Variants in EP400 observed in about 807,000 individuals in gnomAD.
EP400 encodes E1A binding protein p400, also known as E1A-binding protein p400.
EP400 carries 105 observed loss-of-function variants against 354.1 expected under a neutral mutation model. The ratio of observed to expected loss-of-function variants is 0.30; its 90% CI spans 0.25 to 0.35. EP400 has a LOEUF of 0.35. EP400 is among the 10% of genes least tolerant of loss of function. The pLI is 1.00. For missense variants in EP400, 3,280 were observed against 4,121.0 expected (o/e 0.80, Z 5.59); for synonymous variants, 1,646 against 1,716.9 (o/e 0.96, Z 1.02).
Position 131,967,485 on chromosome 12 carries a change from C to T in EP400, c.1335+5531C>T, listed in dbSNP as rs562590545. ...GGCAGATCAGTTGAGGCCAGGAGTTCGAGACCAGCCTGACCAACATAGTGA... is the reference window on the plus strand; with the variant it reads ...GGCAGATCAGTTGAGGCCAGGAGTTTGAGACCAGCCTGACCAACATAGTGA... On this transcript the variant is annotated intron_variant, in intron 2 of 52. Transcript: ENST00000389561. Among the ~76,000 whole-genome samples, 13 of 151,792 alleles carry T rather than the reference C, an allele frequency of 8.6e-5. No individual in the cohort carries two copies. The South Asian group carries it at 1.5e-3, about 17-fold the overall frequency.
At chr12:131,999,653 G>A (rs1893341247) in intron 12 of EP400, among the ~76,000 whole-genome samples, 1 of 152,038 alleles carries the variant, frequency 6.6e-6, no homozygotes, top group African/African-American at 2.4e-5. Context: ...TGCCCAGGCT[G>A]GTCTCCAACT....
intron 19 of EP400, among the ~76,000 whole-genome samples, chr12:132,015,556 A>G (rs1281865411): frequency 6.6e-6 from 1 of 152,170 alleles, no homozygotes; most frequent in Non-Finnish European, 1.5e-5. Context: ...TGCCCACACA[A>G]TATGGTGGTT....
chr12:132,055,584 G>T (rs1895468562), intron 45 of EP400, among the ~76,000 whole-genome samples: 1 of 134,868 alleles, frequency 7.4e-6, no homozygotes, highest in Non-Finnish European at 1.6e-5. Context: ...GAGGTGTAGG[G>T]GTATGTGTGG....
At chr12:131,995,494 C>T (rs983044294) in intron 12 of EP400, among the ~76,000 whole-genome samples, 1 of 146,906 alleles carries the variant, frequency 6.8e-6, no homozygotes, top group Non-Finnish European at 1.5e-5. Context: ...GTGAATGAAT[C>T]CCACCACAGC....
Position 131,961,017 on chromosome 12 carries a change from C to A in EP400, c.398C>A (p.Thr133Asn). The A allele has an allele frequency of 6.3e-7, 1 of 1,599,860 alleles. No individual in the cohort carries two copies. The highest frequency in any genetic ancestry group is 8.5e-7 in the Non-Finnish European group (1 of 1,173,524). Residue 133 changes from threonine to asparagine, a missense_variant, in exon 2 of 53, where the codon ACC (threonine) becomes AAC (asparagine). Coordinates refer to ENST00000389561, the MANE Select transcript of EP400 (RefSeq NM_015409.5). Reference protein sequence around the residue: ...VTSPLSQQVQTQSPTQPSPGP... With the variant: ...VTSPLSQQVQNQSPTQPSPGP... ...TCCCCCTTGTCCCAGCAGGTCCAGA[C>A]CCAGAGTCCCACGCAGCCCAGTCCG... is the stretch of plus-strand genomic sequence containing the variant.
At position 132,050,769 on chromosome 12, in the gene EP400, C is replaced by T; in HGVS notation, c.7394+114C>T. 1 of 1,324,374 alleles carries T rather than the reference C, an allele frequency of 7.6e-7. No individual in the cohort carries two copies. The highest frequency in any genetic ancestry group is 1.1e-6 in the Non-Finnish European group (1 of 926,970). The allele number at this position is 1,324,374 out of a possible 1,614,324, so 82.0% of individuals were successfully genotyped here. ...TGCACTTAGCGTGTTCAGGCATCAG[C>T]TGGACGTGGCAGTGCGCAGAACCTG... On this transcript the variant is annotated intron_variant, in intron 41 of 52. Transcript: ENST00000389561. This position sits in a 1 kb window ranked among gnomAD's most constrained non-coding sequence, Gnocchi z 4.8.
intron 1 of EP400, among the ~76,000 whole-genome samples, chr12:131,951,119 T>C (rs1891471008): frequency 1.3e-5 from 2 of 148,858 alleles, no homozygotes; most frequent in Admixed American, 1.3e-4. Flanking sequence ...GGTTTCATCA[T>C]GTTGGTCCGG....
Position 132,062,544 on chromosome 12 carries a change from A to AGC in EP400, c.8177_8178insGC (p.Gln2727HisfsTer51), listed in dbSNP as rs60930033. 2.7e-4 allele frequency: 436 copies of AGC among 1,593,228 alleles called. 2 individuals are homozygous for AGC. Among genetic ancestry groups the AGC allele is most frequent in the South Asian group, 1.8e-3 (158 of 89,602 alleles). ...CTCAGGCAGCAGCAGCAGCAGCAGCAACAACAGCAGCAGCAGCAGCAGCAG... is the reference window on the plus strand; with the variant it reads ...CTCAGGCAGCAGCAGCAGCAGCAGCAGCACAACAGCAGCAGCAGCAGCAGCAG... On this transcript the variant is annotated frameshift_variant, in exon 47 of 53. Transcript: ENST00000389561. LOFTEE classifies it high-confidence loss of function.
chr12:131,998,238 G>A (rs770178316), intron 12 of EP400, among the ~76,000 whole-genome samples: 1 of 152,118 alleles, frequency 6.6e-6, no homozygotes, highest in Admixed American at 6.5e-5. Flanking sequence ...GCCTTGCTCT[G>A]TGTTAGGAGG....
At chr12:132,006,950 A>T (rs1046899220) in intron 15 of EP400, 73 bp downstream of exon 15, 99 of 1,545,782 alleles carry the variant, frequency 6.4e-5, no homozygotes, top group Middle Eastern at 5.5e-4. Context: ...GTTTGATGGG[A>T]GTGTGGGGAC....
chr12:132,035,709 C>G (rs1894673230), intron 30 of EP400, among the ~76,000 whole-genome samples: 1 of 149,926 alleles, frequency 6.7e-6, no homozygotes, highest in East Asian at 2.0e-4. Context: ...CACCCAGGTT[C>G]ACATGGAACG....
At chr12:132,010,384 C>A (rs990677243) in intron 15 of EP400, among the ~76,000 whole-genome samples, 2 of 152,046 alleles carry the variant, frequency 1.3e-5, no homozygotes, top group Non-Finnish European at 2.9e-5. Flanking sequence ...TGCATGCAGC[C>A]GGTTGTGTCT....
intron 32 of EP400, among the ~76,000 whole-genome samples, chr12:132,041,215 C>T (rs1163917803): frequency 1.3e-5 from 2 of 152,374 alleles, no homozygotes; most frequent in Admixed American, 6.5e-5. Flanking sequence ...TCATTGGCAA[C>T]GCTCATCAGA....
At chr12:132,011,679 G>C in intron 16 of EP400, 45 bp downstream of exon 16, 1 of 1,559,152 alleles carries the variant, frequency 6.4e-7, no homozygotes, top group South Asian at 1.2e-5. Context: ...AGAAAGCCAT[G>C]TTAATTTTTA....
rs1263658442 is a variant in EP400 at position 132,036,335 on chromosome 12, TG to T, written c.5952-1345del. On this transcript the variant is annotated intron_variant, in intron 30 of 52. Coordinates refer to ENST00000389561, the MANE Select transcript of EP400 (RefSeq NM_015409.5). ...ACACCCAGGTTCATACGGAACATCG[TG>T]GAAGGGCACACACAGGTTCACATGG... Among the ~76,000 whole-genome samples, 3 of 150,390 alleles carry T rather than the reference TG, an allele frequency of 2.0e-5. No homozygotes were observed. In the South Asian group the frequency reaches 6.3e-4, roughly 32 times the overall value.
At position 132,062,417 on chromosome 12, in the gene EP400, A is replaced by T. The variant is rs767681626; in HGVS notation, c.8099-49A>T. 9.9e-6 allele frequency: 16 copies of T among 1,610,482 alleles called. No homozygotes were observed. In the South Asian group the frequency reaches 1.4e-4, roughly 14 times the overall value. ...TTGCTGTCTGAGAATGAGGATCTGA[A>T]GGTGGGCGAGTATCCCTGTCCAGAC... is the stretch of plus-strand genomic sequence containing the variant. On this transcript the variant is annotated intron_variant, in intron 46 of 52. Coordinates refer to ENST00000389561, the MANE Select transcript of EP400 (RefSeq NM_015409.5).
intron 29 of EP400, among the ~76,000 whole-genome samples, chr12:132,030,806 TGTCCATGGGCCCC>T (rs1894463820): frequency 6.6e-6 from 1 of 152,236 alleles, no homozygotes; most frequent in Admixed American, 6.5e-5. Context: ...CATAAGGGGT[TGTCCATGGGCCCC>T]GTGCCCTGGC....
At position 132,029,789 on chromosome 12, in the gene EP400, A is replaced by T. The variant is rs939046559; in HGVS notation, c.5470A>T (p.Ile1824Phe). 3 of 1,613,564 alleles carry T rather than the reference A, an allele frequency of 1.9e-6. No homozygotes were observed. In the Admixed American group the frequency reaches 5.0e-5, roughly 27 times the overall value. Residue 1824 changes from isoleucine to phenylalanine, a missense_variant, in exon 28 of 53, where the codon ATC becomes TTC. This residue lies in a region of EP400 where 459 missense variants were observed against 496.9 expected (regional missense o/e 0.92). Coordinates refer to ENST00000389561, the MANE Select transcript of EP400 (RefSeq NM_015409.5). This position sits in a 1 kb window ranked among gnomAD's most constrained non-coding sequence, Gnocchi z 4.7. Reference sequence around the variant, plus strand: ...ACCCCTGTACAGCCACAGAATGAGGATCTTGAGGCAGGGCCTGAGAGAGCA... The same window carrying T: ...ACCCCTGTACAGCCACAGAATGAGGTTCTTGAGGCAGGGCCTGAGAGAGCA... ...PPPLYSHRMR[I>F]LRQGLREHAA...
chr12:131,965,414 C>A (rs983451818), intron 2 of EP400, among the ~76,000 whole-genome samples: 2 of 152,186 alleles, frequency 1.3e-5, no homozygotes, highest in Non-Finnish European at 2.9e-5. Context: ...TTTTCTAACT[C>A]CATCATTCTG....
Sources: gnomAD v4.1 joint callset for allele counts (sites outside exome capture counted in the v4.1 genomes callset) on GRCh38, gnomAD v4.1.1 for gene constraint, gnomAD v4.1.1 regional missense constraint, Gnocchi (gnomAD v3.1) non-coding constraint, MANE v1.5 for transcripts, NCBI Gene and HGNC (gene_info 2026-07-23, HGNC 2026-07-21) for gene names.